The following FMN2 variants were observed in gnomAD, a reference collection of about 807,000 sequenced individuals.
FMN2 encodes the protein formin 2, also known as formin-2.
FMN2 carries 51 observed loss-of-function variants against 142.3 expected under a neutral mutation model. The ratio of observed to expected loss-of-function variants is 0.36; its 90% CI spans 0.29 to 0.45. The LOEUF is 0.45. Among genes scored for constraint, FMN2 ranks in the 20% least tolerant of loss-of-function variants. FMN2 has a pLI of 1.00. For missense variants in FMN2, 1,936 were observed against 2,122.8 expected (o/e 0.91, Z 1.73); for synonymous variants, 882 against 869.8 (o/e 1.01, Z -0.25).
chr1:240,416,363 C>T (rs751909005), intron 15 of FMN2, among the ~76,000 whole-genome samples: 2 of 150,462 alleles, frequency 1.3e-5, no homozygotes, highest in African/African-American at 2.5e-5. Context: ...TGGGTTCAAG[C>T]GATTCTCGTG....
chr1:240,431,819 T>C (rs1675188562), intron 15 of FMN2, among the ~76,000 whole-genome samples: 1 of 151,792 alleles, frequency 6.6e-6, no homozygotes, highest in Non-Finnish European at 1.5e-5. Flanking sequence ...AACCCTAATT[T>C]GTTATGTATT....
At chr1:240,383,136 G>T (rs1673286888) in intron 14 of FMN2, among the ~76,000 whole-genome samples, 1 of 152,258 alleles carries the variant, frequency 6.6e-6, no homozygotes, top group African/African-American at 2.4e-5. Flanking sequence ...AGACTTAAAT[G>T]TAATACCTGA....
chr1:240,193,687 G>A (rs958094665), intron 4 of FMN2, among the ~76,000 whole-genome samples: 4 of 152,228 alleles, frequency 2.6e-5, no homozygotes, highest in African/African-American at 7.2e-5. Flanking sequence ...TCCTTCTCCC[G>A]GGCCTCCTTG....
intron 3 of FMN2, among the ~76,000 whole-genome samples, chr1:240,180,566 C>CTTTCTT (rs377033509): frequency 0.22 from 27,955 of 125,920 alleles, 3,169 homozygotes; most frequent in South Asian, 0.3. Context: ...CACATGACCC[C>CTTTCTT]TTTTTTTTTT....
intron 1 of FMN2, among the ~76,000 whole-genome samples, chr1:240,120,329 A>G (rs1457360109): frequency 6.6e-6 from 1 of 152,238 alleles, no homozygotes; most frequent in African/African-American, 2.4e-5. Flanking sequence ...AAAGTTGCTC[A>G]AAACAAAATT....
At chr1:240,351,413 T>A (rs1470902055) in intron 13 of FMN2, among the ~76,000 whole-genome samples, 1 of 152,076 alleles carries the variant, frequency 6.6e-6, no homozygotes, top group Non-Finnish European at 1.5e-5. Flanking sequence ...GTAGATGAGG[T>A]GAGGCTGCCA....
chr1:240,445,819 AG>A (rs1675789333), intron 16 of FMN2, among the ~76,000 whole-genome samples: 1 of 151,806 alleles, frequency 6.6e-6, no homozygotes, highest in Non-Finnish European at 1.5e-5. Flanking sequence ...AAAGCAAGTT[AG>A]GAAGTTATTT....
intron 8 of FMN2, among the ~76,000 whole-genome samples, chr1:240,295,118 A>C (rs964391969): frequency 6.6e-6 from 1 of 151,844 alleles, no homozygotes. Context: ...GTCATTCATT[A>C]TTTTTTTAAA....
intron 8 of FMN2, among the ~76,000 whole-genome samples, chr1:240,305,389 G>T (rs910303853): frequency 6.6e-6 from 1 of 152,168 alleles, no homozygotes; most frequent in East Asian, 1.9e-4. Context: ...GCGTTTCCCA[G>T]TATTGTGTTT....
intron 8 of FMN2, among the ~76,000 whole-genome samples, chr1:240,295,107 G>A (rs1209750655): frequency 2.0e-5 from 3 of 151,714 alleles, no homozygotes; most frequent in Non-Finnish European, 2.9e-5. Context: ...TTGCATATGA[G>A]GTCATTCATT....
In FMN2 at chr1:240,207,347, T is replaced by A; in HGVS notation, c.2535T>A (p.Val845=). Residue 845 remains valine (V), a synonymous_variant, in exon 5 of 18, where the codon GTT becomes GTA. Transcript: ENST00000319653. ...TEFQTSHEHS[V]SSAFKNSCNI... ...TTCAAACCAGCCACGAACACTCTGTTTCCTCTGCCTTTAAAAACAGCTGTA... is the reference window on the plus strand; with the variant it reads ...TTCAAACCAGCCACGAACACTCTGTATCCTCTGCCTTTAAAAACAGCTGTA... 6.2e-7 allele frequency: 1 copy of A among 1,613,718 alleles called. No individual in the cohort carries two copies. The highest frequency in any genetic ancestry group is 8.5e-7 in the Non-Finnish European group (1 of 1,179,818).
At chr1:240,215,598 G>T (rs10926169) in intron 6 of FMN2, among the ~76,000 whole-genome samples, 1,698 of 152,280 alleles carry the variant, frequency 0.011, 39 homozygotes, top group African/African-American at 0.039. Flanking sequence ...TTTAAAAAAA[G>T]AATTTGAATG....
intron 6 of FMN2, chr1:240,245,700 A>G (rs1419800043): frequency 2.2e-6 from 1 of 444,654 alleles, no homozygotes; most frequent in African/African-American, 2.0e-5. Flanking sequence ...ATGAAAAGTT[A>G]ATTTTATCTT....
At chr1:240,380,056 A>G (rs1293112866) in intron 14 of FMN2, among the ~76,000 whole-genome samples, 1 of 152,102 alleles carries the variant, frequency 6.6e-6, no homozygotes, top group African/African-American at 2.4e-5. Context: ...TCAATACACC[A>G]TTGGCAACAT....
At chr1:240,152,552 C>A (rs1241158855) in intron 2 of FMN2, among the ~76,000 whole-genome samples, 2 of 152,086 alleles carry the variant, frequency 1.3e-5, no homozygotes, top group Non-Finnish European at 2.9e-5. Context: ...CTCATACATA[C>A]CACGCTCTCT....
intron 6 of FMN2, among the ~76,000 whole-genome samples, chr1:240,239,474 ATC>A (rs1276021814): frequency 6.6e-6 from 1 of 152,246 alleles, no homozygotes; most frequent in African/African-American, 2.4e-5. Context: ...GCCACTGTTT[ATC>A]TCTCTTTAAC....
At chr1:240,357,259 G>A (rs887040021) in intron 14 of FMN2, among the ~76,000 whole-genome samples, 11 of 152,172 alleles carry the variant, frequency 7.2e-5, no homozygotes, top group African/African-American at 2.7e-4. Flanking sequence ...CAATTTGCTG[G>A]ATTTCACATC....
At chr1:240,381,885 T>C (rs946794068) in intron 14 of FMN2, among the ~76,000 whole-genome samples, 2 of 152,198 alleles carry the variant, frequency 1.3e-5, no homozygotes, top group African/African-American at 4.8e-5. Flanking sequence ...GGGGAAAAGA[T>C]TAAAGCATTT....
At chr1:240,465,321 T>G (rs1676577181) in intron 16 of FMN2, among the ~76,000 whole-genome samples, 1 of 143,290 alleles carries the variant, frequency 7.0e-6, no homozygotes. Flanking sequence ...CCCTACCTTA[T>G]GCCTCCCTCT....
Sources: allele counts gnomAD v4.1 joint callset (sites outside exome capture counted in the v4.1 genomes callset), GRCh38; gene constraint gnomAD v4.1.1; transcripts MANE v1.5; gene names NCBI Gene and HGNC (gene_info 2026-07-23, HGNC 2026-07-21).